Variants in GPHN observed in about 807,000 individuals in gnomAD.
GPHN encodes gephyrin.
Under a neutral mutation model 95.5 loss-of-function variants are expected in GPHN, and 17 were observed. That is an observed-to-expected ratio of 0.18 (90% CI 0.12 to 0.27). The LOEUF (loss-of-function observed/expected upper bound fraction) is 0.27, where lower values mean the gene tolerates loss of function less well. Ranked by LOEUF, GPHN falls within the 10% of genes least tolerant of loss-of-function variation. The pLI is 1.00. For missense variants in GPHN, 660 were observed against 978.1 expected (o/e 0.67, Z 4.34); for synonymous variants, 320 against 322.5 (o/e 0.99, Z 0.08).
At chr14:66,659,942 A>G (rs2065540179) in intron 1 of GPHN, among the ~76,000 whole-genome samples, 1 of 151,910 alleles carries the variant, frequency 6.6e-6, no homozygotes, top group Non-Finnish European at 1.5e-5. Context: ...TAAGTCTCCC[A>G]CTGTATTTCT....
chr14:66,781,244 G>A (rs1345530308), intron 3 of GPHN, among the ~76,000 whole-genome samples: 1 of 146,246 alleles, frequency 6.8e-6, no homozygotes, highest in Non-Finnish European at 1.5e-5. Context: ...TTTTTGATAC[G>A]GAGTCTCTGT....
the GPHN span, chr14:67,270,614 A>G: frequency 6.8e-6 from 1 of 146,010 alleles, no homozygotes; most frequent in Admixed American, 7.0e-5. Context: ...AAAGAGAGGG[A>G]GAGTGCAATT....
At chr14:66,978,376 C>T (rs1481326718) in intron 9 of GPHN, among the ~76,000 whole-genome samples, 1 of 152,202 alleles carries the variant, frequency 6.6e-6, no homozygotes, top group East Asian at 1.9e-4. Context: ...AAATTGGAGT[C>T]AATCCTCTCA....
chr14:66,530,953 A>ATTTTTTTT lies in GPHN; in HGVS notation c.64+22375_64+22382dup, dbSNP rs569763873. 6.9e-4 allele frequency among the ~76,000 whole-genome samples: 83 copies of ATTTTTTTT among 121,152 alleles called. 2 individuals are homozygous for ATTTTTTTT. Among genetic ancestry groups the ATTTTTTTT allele is most frequent in the African/African-American group, 2.6e-3 (80 of 30,700 alleles). The allele number at this position is 121,152 out of a possible 152,430, so 79.5% of individuals were successfully genotyped here. ...CACTGTTTTCTTGTTTGTTTGTTAG[A>ATTTTTTTT]TTTTTTTTTTTTTTTTTTTTGATAC... On this transcript the variant is annotated intron_variant, in intron 1 of 22. Coordinates refer to ENST00000478722, the MANE Select transcript of GPHN (RefSeq NM_020806.5).
At chr14:67,347,916 C>CT in the GPHN span, among the ~76,000 whole-genome samples, 49 of 146,204 alleles carry the variant, frequency 3.4e-4, no homozygotes, top group Middle Eastern at 3.5e-3. Flanking sequence ...AACTTGCCTT[C>CT]TTTTTTTTTT....
the GPHN span, chr14:67,411,953 G>T: frequency 7.0e-7 from 1 of 1,421,988 alleles, no homozygotes. Context: ...GTCTGGCCCC[G>T]CTCTAGGGAG....
chr14:67,098,356 G>A (rs1165465737), intron 12 of GPHN, among the ~76,000 whole-genome samples: 1 of 152,142 alleles, frequency 6.6e-6, no homozygotes, highest in Non-Finnish European at 1.5e-5. Context: ...TTTTAAAAGT[G>A]TGATTATCCC....
chr14:67,653,470 T>C, the GPHN span: 1 of 1,614,108 alleles, frequency 6.2e-7, no homozygotes, highest in Non-Finnish European at 8.5e-7. Context: ...CTTCCGACTT[T>C]TGCTCAAGTT....
At position 67,107,937 on chromosome 14, in the gene GPHN, A is replaced by G. The variant is rs557448095; in HGVS notation, c.1294-2203A>G. Among the ~76,000 whole-genome samples the G allele has an allele frequency of 2.0e-5, 3 of 152,292 alleles. No homozygotes were observed. In the South Asian group the frequency reaches 6.2e-4, roughly 32 times the overall value. ...TCCCTAGGACATGAGTGACTACATC[A>G]GCTCAGCCTGGGATGCGTAGGTGCT... On this transcript the variant is annotated intron_variant, in intron 13 of 22. Transcript: ENST00000478722.
At chr14:67,131,832 T>G (rs2153697822) in intron 17 of GPHN, among the ~76,000 whole-genome samples, 1 of 152,180 alleles carries the variant, frequency 6.6e-6, no homozygotes, top group East Asian at 1.9e-4. Flanking sequence ...TAATTGAGTT[T>G]ATATAATTCC....
At chr14:66,680,800 T>C (rs1372357158) in intron 1 of GPHN, among the ~76,000 whole-genome samples, 2 of 152,158 alleles carry the variant, frequency 1.3e-5, no homozygotes, top group Admixed American at 6.5e-5. Flanking sequence ...TGCTACTGTG[T>C]ACTAGTAAAT....
intron 1 of GPHN, among the ~76,000 whole-genome samples, chr14:66,560,401 C>A (rs1395849116): frequency 3.3e-5 from 5 of 152,044 alleles, no homozygotes; most frequent in Non-Finnish European, 5.9e-5. Context: ...TTGTTTGTAT[C>A]CTCTTTTATT....
At chr14:67,466,775 C>T in the GPHN span, among the ~76,000 whole-genome samples, 1 of 152,012 alleles carries the variant, frequency 6.6e-6, no homozygotes, top group African/African-American at 2.4e-5. Flanking sequence ...GGTGGATCAC[C>T]TGAGGTCAGG....
chr14:67,053,785 C>G (rs1172499943), intron 10 of GPHN, among the ~76,000 whole-genome samples: 4 of 152,144 alleles, frequency 2.6e-5, no homozygotes, highest in Non-Finnish European at 5.9e-5. Context: ...AGCTTCATCC[C>G]CAAGATACAA....
chr14:66,919,262 C>G (rs938194498), intron 6 of GPHN, among the ~76,000 whole-genome samples: 1 of 152,166 alleles, frequency 6.6e-6, no homozygotes, highest in Non-Finnish European at 1.5e-5. Context: ...TATGAAACCT[C>G]TTTCCTGCCT....
chr14:67,473,624 G>A, the GPHN span: 1 of 1,590,722 alleles, frequency 6.3e-7, no homozygotes, highest in Non-Finnish European at 8.6e-7. This position sits in a 1 kb window ranked among gnomAD's most constrained non-coding sequence, Gnocchi z 6.5. Context: ...CCCAGGGGCA[G>A]GCGTTGAACT....
rs534935895 is a variant in GPHN, at chr14:67,139,490, A to G, written c.1749-3872A>G. Among the ~76,000 whole-genome samples, 5 of 152,262 alleles carry G rather than the reference A, an allele frequency of 3.3e-5. No individual in the cohort carries two copies. The South Asian group carries it at 1.0e-3, about 32-fold the overall frequency. ...ATTACATGCCTTTAAAAAACTACACAATCACTTCTGATTAGGCAGGGAGTG... is the reference window on the plus strand; with the variant it reads ...ATTACATGCCTTTAAAAAACTACACGATCACTTCTGATTAGGCAGGGAGTG... On this transcript the variant is annotated intron_variant, in intron 17 of 22. Coordinates refer to ENST00000478722, the MANE Select transcript of GPHN (RefSeq NM_020806.5).
chr14:67,013,305 C>T (rs1382473886), intron 9 of GPHN, among the ~76,000 whole-genome samples: 1 of 151,954 alleles, frequency 6.6e-6, no homozygotes, highest in Non-Finnish European at 1.5e-5. Flanking sequence ...AAAGAGGATT[C>T]GCTACATACA....
chr14:67,458,519 G>A, the GPHN span, among the ~76,000 whole-genome samples: 1 of 152,104 alleles, frequency 6.6e-6, no homozygotes, highest in Admixed American at 6.5e-5. Context: ...CATTTGTCAG[G>A]ATCTCGACTG....
Sources: allele counts gnomAD v4.1 joint callset (sites outside exome capture counted in the v4.1 genomes callset), GRCh38; gene constraint gnomAD v4.1.1; non-coding constraint Gnocchi (gnomAD v3.1); transcripts MANE v1.5; gene names NCBI Gene and HGNC (gene_info 2026-07-23, HGNC 2026-07-21).